Variants in NUP98 observed in about 807,000 individuals in gnomAD.
NUP98 encodes the protein nucleoporin 98 and 96 precursor.
In NUP98, 26 loss-of-function variants were observed where a neutral mutation model predicts 191.9. The observed-to-expected ratio is 0.14, with a 90% CI of 0.10 to 0.19. The LOEUF (loss-of-function observed/expected upper bound fraction) is 0.19. Ranked by LOEUF, NUP98 falls within the 10% of genes least tolerant of loss-of-function variation. NUP98 has a pLI of 1.00. For missense variants in NUP98, 1,941 were observed against 2,178.8 expected, an observed-to-expected ratio of 0.89 and a Z score of 2.17; for synonymous variants, 808 against 778.4, an observed-to-expected ratio of 1.04 and a Z score of -0.63.
chr11:3,727,882 G>A (rs1177621834), intron 14 of NUP98, among the ~76,000 whole-genome samples: 2 of 151,996 alleles, frequency 1.3e-5, no homozygotes, highest in Non-Finnish European at 2.9e-5. Flanking sequence ...AATTAGCCAG[G>A]TGTGGTGGCA....
chr11:3,752,270 C>G (rs536335830), intron 11 of NUP98, among the ~76,000 whole-genome samples: 3 of 151,888 alleles, frequency 2.0e-5, no homozygotes, highest in African/African-American at 7.2e-5. Flanking sequence ...GTAATCCCAG[C>G]ACTTTGGAGG....
At chr11:3,698,292 T>C (rs1330697632) in intron 25 of NUP98, among the ~76,000 whole-genome samples, 1 of 152,216 alleles carries the variant, frequency 6.6e-6, no homozygotes, top group Admixed American at 6.5e-5. Flanking sequence ...CACATTAAAA[T>C]GTTTGCAGTG....
At chr11:3,787,581 A>T (rs973667620) in intron 1 of NUP98, among the ~76,000 whole-genome samples, 1 of 152,044 alleles carries the variant, frequency 6.6e-6, no homozygotes, top group Non-Finnish European at 1.5e-5. Flanking sequence ...TCAAACAAAA[A>T]AAAAGAACAT....
intron 13 of NUP98, among the ~76,000 whole-genome samples, chr11:3,732,688 T>C (rs373362202): frequency 6.6e-6 from 1 of 152,258 alleles, no homozygotes; most frequent in Non-Finnish European, 1.5e-5. Flanking sequence ...CAACTAAATT[T>C]CAGGGTGCTT....
At chr11:3,750,359 G>A (rs1159449676) in intron 11 of NUP98, among the ~76,000 whole-genome samples, 2 of 152,046 alleles carry the variant, frequency 1.3e-5, no homozygotes, top group Non-Finnish European at 2.9e-5. Context: ...GCCTCCCAAA[G>A]ACCTGGCATT....
chr11:3,713,980 T>C lies in NUP98; in HGVS notation c.2415A>G (p.Thr805=). Residue 805 remains threonine (T), a synonymous_variant, in exon 19 of 33, where the codon ACA becomes ACG. Transcript: ENST00000324932. ...TATCTGTTGGCCAAACTCCATCCAA[T>C]GTAACTTCAGCCTTCCTGTAAAACA... is the stretch of plus-strand genomic sequence containing the variant. ...GEGLNRKAEV[T]LDGVWPTDKT... The C allele has an allele frequency of 6.2e-7, 1 of 1,614,054 alleles. No individual in the cohort carries two copies.
Position 3,741,353 on chromosome 11 carries a change from G to A in NUP98, c.1408+3156C>T, listed in dbSNP as rs546486312. Among the ~76,000 whole-genome samples, 121 of 151,888 alleles carry A rather than the reference G, an allele frequency of 8.0e-4. 1 individual carries two copies. Among genetic ancestry groups the A allele is most frequent in the Non-Finnish European group, 1.5e-3 (101 of 67,984 alleles). ...AAAACAAAAATCTGGCAGGAGCGGTGGCTCATGCCTGTAATCCCAGCACTT... is the reference window on the plus strand; with the variant it reads ...AAAACAAAAATCTGGCAGGAGCGGTAGCTCATGCCTGTAATCCCAGCACTT... On this transcript the variant is annotated intron_variant, in intron 12 of 32. Coordinates refer to ENST00000324932, the MANE Select transcript of NUP98 (RefSeq NM_016320.5).
At chr11:3,696,412 G>A (rs760102871) in intron 25 of NUP98, among the ~76,000 whole-genome samples, 12 of 151,386 alleles carry the variant, frequency 7.9e-5, no homozygotes, top group Admixed American at 2.0e-4. Context: ...TGAGACACGA[G>A]AACCACTTGA....
chr11:3,746,770 G>C (rs1342583518), intron 11 of NUP98, among the ~76,000 whole-genome samples: 1 of 151,690 alleles, frequency 6.6e-6, no homozygotes, highest in Non-Finnish European at 1.5e-5. Flanking sequence ...AAATTAGCTG[G>C]TCGTGGTGGC....
intron 7 of NUP98, among the ~76,000 whole-genome samples, chr11:3,770,261 G>A (rs181224674): frequency 1.3e-5 from 2 of 152,240 alleles, no homozygotes; most frequent in Admixed American, 6.5e-5. Context: ...CAGAAGAATC[G>A]CTTGAACCTG....
At chr11:3,677,409 G>GA (rs2077848460) in intron 31 of NUP98, among the ~76,000 whole-genome samples, 1 of 91,618 alleles carries the variant, frequency 1.1e-5, no homozygotes, top group Non-Finnish European at 2.8e-5. Flanking sequence ...ATGTAACATA[G>GA]GTTTTTTTTT....
intron 28 of NUP98, among the ~76,000 whole-genome samples, chr11:3,688,491 ATAAT>A (rs1242055748): frequency 6.6e-6 from 1 of 151,750 alleles, no homozygotes; most frequent in Non-Finnish European, 1.5e-5. Context: ...TACATTCTAT[ATAAT>A]TAATATAGTT....
intron 11 of NUP98, among the ~76,000 whole-genome samples, chr11:3,751,277 GA>G (rs1285460879): frequency 2.0e-5 from 3 of 152,198 alleles, no homozygotes; most frequent in Non-Finnish European, 4.4e-5. Context: ...AGAATAGCTT[GA>G]AACCAGGAGG....
At position 3,782,093 on chromosome 11, in the gene NUP98, G is replaced by A. The variant is rs1281103696; in HGVS notation, c.25C>T (p.Pro9Ser). ...AAGCCACCTGTGCCACCCCCAAAGG[G>A]TGTTCCAAATGATTTGTTAAACATC... Reference protein sequence around the residue: MFNKSFGTPFGGGTGGFGT... With the variant: MFNKSFGTSFGGGTGGFGT... The change falls in exon 2 of 33, where the codon CCC becomes TCC. Residue 9 changes from proline to serine, a missense_variant. By Grantham distance (74) the Pro-to-Ser change is moderately conservative. Transcript: ENST00000324932. 2 of 1,612,458 alleles carry A rather than the reference G, an allele frequency of 1.2e-6. No homozygotes were observed. The highest frequency in any genetic ancestry group is 1.7e-6 in the Non-Finnish European group (2 of 1,179,390).
At chr11:3,708,637 C>T (rs954531468) in intron 20 of NUP98, among the ~76,000 whole-genome samples, 8 of 151,566 alleles carry the variant, frequency 5.3e-5, no homozygotes, top group African/African-American at 1.7e-4. Context: ...CAACATACTC[C>T]CCAAAGCTGT....
At chr11:3,747,929 A>AGT (rs977828565) in intron 11 of NUP98, among the ~76,000 whole-genome samples, 6 of 152,188 alleles carry the variant, frequency 3.9e-5, no homozygotes, top group African/African-American at 1.4e-4. Context: ...GAATTGCAAC[A>AGT]GTGTGTGTGC....
rs926546078 is a variant in NUP98, at chr11:3,713,669, T to C, written c.2577+149A>G. 6.9e-6 allele frequency: 5 copies of C among 724,602 alleles called. 1 individual carries two copies. Among genetic ancestry groups the C allele is most frequent in the South Asian group, 4.2e-5 (2 of 47,490 alleles). The allele number at this position is 724,602 out of a possible 1,614,324, so 44.9% of individuals were successfully genotyped here. A position where few individuals can be genotyped will look rare whatever the true frequency, so the allele number is the denominator to read the frequency against. On this transcript the variant is annotated intron_variant, in intron 19 of 32. Transcript: ENST00000324932. ...AGGAATTTGAGGCTGCAGGGAGCTA[T>C]GATCCCACCATTGTACTCCAGCCTG... is the stretch of plus-strand genomic sequence containing the variant.
intron 4 of NUP98, 60 bp from the exon 5 acceptor site, chr11:3,776,081 G>T: frequency 2.3e-6 from 3 of 1,307,308 alleles, no homozygotes; most frequent in South Asian, 1.3e-5. Flanking sequence ...TGTATAAGAT[G>T]CATTGGAATT....
At chr11:3,779,463 G>A (rs1336152477) in intron 2 of NUP98, among the ~76,000 whole-genome samples, 2 of 151,868 alleles carry the variant, frequency 1.3e-5, no homozygotes, top group African/African-American at 4.8e-5. Context: ...CCAACATGGA[G>A]AAACCCCGTT....
Sources: allele counts gnomAD v4.1 joint callset (sites outside exome capture counted in the v4.1 genomes callset), GRCh38; gene constraint gnomAD v4.1.1; transcripts MANE v1.5; gene names NCBI Gene and HGNC (gene_info 2026-07-23, HGNC 2026-07-21).